The following NFILZ variants were observed in gnomAD, a reference collection of about 807,000 sequenced individuals.
NFILZ encodes the protein NFIL3 like basic leucine zipper.
intron 3 of NFILZ, among the ~76,000 whole-genome samples, chr19:8,647,290 G>A (rs114098585): frequency 0.021 from 3,157 of 152,236 alleles, 117 homozygotes; most frequent in African/African-American, 0.072. Flanking sequence ...GAATGAGATC[G>A]GCCAGGCGCG....
intron 1 of NFILZ, among the ~76,000 whole-genome samples, chr19:8,631,053 G>A (rs2042867419): frequency 6.6e-6 from 1 of 152,166 alleles, no homozygotes; most frequent in Non-Finnish European, 1.5e-5. Context: ...AGACACCTGT[G>A]CTTTGCACAG....
In NFILZ at chr19:8,678,074, ATCAATCCATCCATCCAT is replaced by A. The variant is rs2043122065; in HGVS notation, c.*442_*458del. On this transcript the variant is annotated 3_prime_UTR_variant, in exon 6 of 6. Coordinates refer to ENST00000691075, the MANE Select transcript of NFILZ (RefSeq NM_001378600.1). ...CATCCACCCATCTATTCATCCATCCATCAATCCATCCATCCATTCCATCCATCCATCCATCCATCCAT... is the reference window on the plus strand; with the variant it reads ...CATCCACCCATCTATTCATCCATCCATCCATCCATCCATCCATCCATCCAT... 3.3e-4 allele frequency among the ~76,000 whole-genome samples: 1 copy of A among 3,044 alleles called. No homozygotes were observed. Among genetic ancestry groups the A allele is most frequent in the Non-Finnish European group, 8.5e-4 (1 of 1,180 alleles). The allele number at this position is 3,044 out of a possible 152,430, so 2.0% of individuals were successfully genotyped here.
chr19:8,651,160 A>G (rs558505014), intron 3 of NFILZ, among the ~76,000 whole-genome samples: 40 of 152,146 alleles, frequency 2.6e-4, no homozygotes, highest in Non-Finnish European at 5.6e-4. Flanking sequence ...TTCAAAATAT[A>G]TAATAAGCTT....
intron 2 of NFILZ, among the ~76,000 whole-genome samples, chr19:8,633,639 C>A (rs1421268701): frequency 3.3e-5 from 5 of 152,138 alleles, no homozygotes; most frequent in African/African-American, 1.2e-4. Flanking sequence ...GAGGAGCCCT[C>A]CAGCCGCCCT....
chr19:8,646,051 G>C (rs2918318), intron 3 of NFILZ, among the ~76,000 whole-genome samples: 16,170 of 150,536 alleles, frequency 0.11, 1,258 homozygotes, highest in East Asian at 0.43. Flanking sequence ...CTTTTTTTTT[G>C]GGGGGGATGG....
chr19:8,659,587 G>A (rs191675345), intron 3 of NFILZ, among the ~76,000 whole-genome samples: 2 of 152,140 alleles, frequency 1.3e-5, no homozygotes, highest in Non-Finnish European at 2.9e-5. Flanking sequence ...GTCTTGATCC[G>A]TTAAAGGTTT....
intron 3 of NFILZ, among the ~76,000 whole-genome samples, chr19:8,668,358 C>T (rs782418899): frequency 1.1e-4 from 16 of 151,584 alleles, no homozygotes; most frequent in Non-Finnish European, 1.8e-4. Context: ...ATATGGAACC[C>T]GAGGATACAG....
intron 3 of NFILZ, among the ~76,000 whole-genome samples, chr19:8,668,014 A>T (rs782577170): frequency 6.6e-5 from 10 of 152,018 alleles, no homozygotes; most frequent in Non-Finnish European, 1.5e-4. Context: ...GTGCAGTGAC[A>T]GTGGAGACTT....
intron 3 of NFILZ, among the ~76,000 whole-genome samples, chr19:8,644,645 T>G (rs1311494909): frequency 6.6e-6 from 1 of 151,892 alleles, no homozygotes; most frequent in Admixed American, 6.6e-5. Flanking sequence ...ATTTTTTTTT[T>G]GTAGAGATGG....
At chr19:8,650,147 C>T (rs1391962168) in intron 3 of NFILZ, among the ~76,000 whole-genome samples, 8 of 150,516 alleles carry the variant, frequency 5.3e-5, no homozygotes, top group Non-Finnish European at 1.0e-4. Context: ...AAAATTACTG[C>T]GGTTACAGCT....
chr19:8,657,162 T>C (rs1402590541), intron 3 of NFILZ, among the ~76,000 whole-genome samples: 2 of 151,904 alleles, frequency 1.3e-5, no homozygotes, highest in Non-Finnish European at 2.9e-5. Flanking sequence ...CTTTTTTTTT[T>C]TGAGACGGAG....
chr19:8,642,975 G>C (rs1365561378), intron 3 of NFILZ, among the ~76,000 whole-genome samples: 1 of 142,412 alleles, frequency 7.0e-6, no homozygotes, highest in Non-Finnish European at 1.5e-5. Flanking sequence ...TTTGAGACAG[G>C]GTATCTCCCT....
At chr19:8,634,831 G>T (rs1483425473) in intron 2 of NFILZ, among the ~76,000 whole-genome samples, 4 of 152,098 alleles carry the variant, frequency 2.6e-5, no homozygotes, top group Non-Finnish European at 4.4e-5. Context: ...ATCAAGCCAA[G>T]ATGGCCCCAC....
intron 3 of NFILZ, among the ~76,000 whole-genome samples, chr19:8,673,903 C>G (rs1228413514): frequency 1.3e-5 from 2 of 152,132 alleles, no homozygotes; most frequent in Non-Finnish European, 2.9e-5. Flanking sequence ...TGCAGTGGCG[C>G]AATCTTGGCT....
chr19:8,680,211 AAAAG>A lies in NFILZ; in HGVS notation c.*2577_*2580del, dbSNP rs1341420169. Among the ~76,000 whole-genome samples, 2,745 of 140,198 alleles carry A rather than the reference AAAAG, an allele frequency of 0.02. 110 individuals are homozygous for A. Among genetic ancestry groups the A allele is most frequent in the African/African-American group, 0.071 (2,564 of 35,964 alleles). 92.0% of individuals were successfully genotyped at this position (140,198 alleles called of 152,430 possible). A position where few individuals can be genotyped will look rare whatever the true frequency, so the allele number is the denominator to read the frequency against. On this transcript the variant is annotated 3_prime_UTR_variant, in exon 6 of 6. Coordinates refer to ENST00000691075, the MANE Select transcript of NFILZ (RefSeq NM_001378600.1). ...ACTCCATCTGAAAAAAAAAAAAAAA[AAAAG>A]GAAAAAGAAAAAATCCTGTTTCCCT...
chr19:8,656,166 C>CCTTCTCCCTACA lies in NFILZ; in HGVS notation c.-163-18385_-163-18384insCTTCTCCCTACA, dbSNP rs2042991279. 5.3e-5 allele frequency among the ~76,000 whole-genome samples: 8 copies of CCTTCTCCCTACA among 151,780 alleles called. 1 individual carries two copies. Among genetic ancestry groups the CCTTCTCCCTACA allele is most frequent in the Non-Finnish European group, 1.0e-4 (7 of 67,952 alleles). On this transcript the variant is annotated intron_variant, in intron 3 of 5. Coordinates refer to ENST00000691075, the MANE Select transcript of NFILZ (RefSeq NM_001378600.1). ...CATCTGAGAAGGCCCTCCATAGCCA[C>CCTTCTCCCTACA]GTTCTCCCTACAGCCCACCTTGTGC...
chr19:8,638,421 C>T (rs1555746318), intron 3 of NFILZ: 1 of 152,250 alleles, frequency 6.6e-6, no homozygotes, highest in African/African-American at 2.4e-5. Flanking sequence ...TCCCGTCTTG[C>T]TTCTGCCACT....
intron 3 of NFILZ, among the ~76,000 whole-genome samples, chr19:8,664,083 A>G (rs35890214): frequency 0.75 from 113,237 of 151,926 alleles, 42,485 homozygotes; most frequent in East Asian, 0.84. Flanking sequence ...GTGAATTTCC[A>G]CTGCACGGCA....
At chr19:8,649,174 C>T (rs781990541) in intron 3 of NFILZ, among the ~76,000 whole-genome samples, 2 of 151,858 alleles carry the variant, frequency 1.3e-5, no homozygotes, top group Non-Finnish European at 2.9e-5. Flanking sequence ...CCACGTTGCC[C>T]AGGCTGGTCT....
Sources: allele counts gnomAD v4.1 joint callset (sites outside exome capture counted in the v4.1 genomes callset), GRCh38; gene constraint gnomAD v4.1.1; transcripts MANE v1.5; gene names NCBI Gene and HGNC (gene_info 2026-07-23, HGNC 2026-07-21).